PRIM2: variants seen among roughly 807,000 people sequenced by gnomAD.
PRIM2 encodes DNA primase subunit 2, also known as DNA primase large subunit.
A neutral mutation model predicts 67.3 loss-of-function variants in PRIM2; 39 were observed. The ratio of observed to expected loss-of-function variants is 0.58; its 90% CI spans 0.45 to 0.76. The LOEUF (loss-of-function observed/expected upper bound fraction) is 0.76. PRIM2 is among the 30% of genes least tolerant of loss of function. The pLI is 0.00. For missense variants in PRIM2, 398 were observed against 598.7 expected (o/e 0.66, Z 3.50); for synonymous variants, 143 against 198.7 (o/e 0.72, Z 2.36).
intron 7 of PRIM2, among the ~76,000 whole-genome samples, chr6:57,402,086 T>C (rs1213488663): frequency 6.6e-6 from 1 of 152,104 alleles, no homozygotes; most frequent in Non-Finnish European, 1.5e-5. Context: ...GGAGATAATA[T>C]GGGAACATGC....
the PRIM2 span, among the ~76,000 whole-genome samples, chr6:57,227,502 G>A: frequency 1.3e-5 from 2 of 151,956 alleles, no homozygotes; most frequent in African/African-American, 2.4e-5. Flanking sequence ...AAATTAGCTG[G>A]GCGTTGTGGC....
intron 5 of PRIM2, among the ~76,000 whole-genome samples, chr6:57,342,530 C>A (rs62418109): frequency 1.3e-5 from 2 of 152,174 alleles, no homozygotes; most frequent in South Asian, 2.1e-4. Context: ...ACAGCAGCTT[C>A]TAATTTACTT....
intron 5 of PRIM2, among the ~76,000 whole-genome samples, chr6:57,377,845 AT>A (rs1366950225): frequency 2.6e-5 from 4 of 152,118 alleles, no homozygotes; most frequent in African/African-American, 7.2e-5. Context: ...CACAGGTTTC[AT>A]TTAGTGATAT....
At chr6:57,474,331 T>C (rs1773418656) in intron 7 of PRIM2, among the ~76,000 whole-genome samples, 1 of 151,084 alleles carries the variant, frequency 6.6e-6, no homozygotes, top group African/African-American at 2.4e-5. Context: ...CCTGCCACCA[T>C]GCCCGGCTAA....
the PRIM2 span, among the ~76,000 whole-genome samples, chr6:57,307,085 G>A: frequency 6.6e-6 from 1 of 151,824 alleles, no homozygotes; most frequent in Non-Finnish European, 1.5e-5. Flanking sequence ...TGTAGTCCCA[G>A]CTACTCGGGA....
At chr6:57,575,023 T>A (rs1384789824) in intron 10 of PRIM2, among the ~76,000 whole-genome samples, 1 of 152,148 alleles carries the variant, frequency 6.6e-6, no homozygotes, top group Non-Finnish European at 1.5e-5. Context: ...TCAGAGAACC[T>A]CCAGCCAGAC....
intron 11 of PRIM2, 46 bp downstream of exon 11, chr6:57,601,265 A>G (rs1439482459): frequency 2.7e-4 from 410 of 1,532,978 alleles, no homozygotes; most frequent in Non-Finnish European, 3.4e-4. Flanking sequence ...GAAATCCAAG[A>G]GCTCTGTTGG....
intron 7 of PRIM2, among the ~76,000 whole-genome samples, chr6:57,490,368 T>C (rs1365126443): frequency 6.6e-6 from 1 of 152,114 alleles, no homozygotes; most frequent in Non-Finnish European, 1.5e-5. Context: ...GTTTTGGCCA[T>C]TTTTTTCATG....
intron 5 of PRIM2, among the ~76,000 whole-genome samples, chr6:57,377,708 A>G (rs1234829182): frequency 1.3e-5 from 2 of 151,604 alleles, no homozygotes; most frequent in African/African-American, 4.8e-5. Context: ...CTGTGCCTAA[A>G]TTTTTTTTGT....
chr6:57,290,044 A>T, the PRIM2 span, among the ~76,000 whole-genome samples: 3 of 151,792 alleles, frequency 2.0e-5, no homozygotes, highest in Non-Finnish European at 2.9e-5. Flanking sequence ...GGTGTGCTGT[A>T]TTCAGGAGAC....
At chr6:57,548,270 G>A (rs1256585609) in intron 10 of PRIM2, among the ~76,000 whole-genome samples, 1 of 152,180 alleles carries the variant, frequency 6.6e-6, no homozygotes, top group African/African-American at 2.4e-5. Context: ...TAGAGCAGGA[G>A]TGCCAAAAGT....
intron 8 of PRIM2, among the ~76,000 whole-genome samples, chr6:57,529,430 AT>A (rs1774839423): frequency 6.6e-6 from 1 of 152,238 alleles, no homozygotes; most frequent in African/African-American, 2.4e-5. Flanking sequence ...AAGAAATAAC[AT>A]TTTTATTCCT....
At chr6:57,622,239 A>G (rs1396024650) in intron 12 of PRIM2, among the ~76,000 whole-genome samples, 3 of 152,346 alleles carry the variant, frequency 2.0e-5, no homozygotes, top group African/African-American at 7.2e-5. Flanking sequence ...ACAATATTTT[A>G]GATATATTTC....
At chr6:57,412,773 G>A (rs1297726700) in intron 7 of PRIM2, among the ~76,000 whole-genome samples, 1 of 151,836 alleles carries the variant, frequency 6.6e-6, no homozygotes, top group Non-Finnish European at 1.5e-5. Context: ...ATAAATATAT[G>A]GGAAAACAAG....
At chr6:57,308,047 TGTA>T in the PRIM2 span, among the ~76,000 whole-genome samples, 18 of 152,346 alleles carry the variant, frequency 1.2e-4, no homozygotes, top group African/African-American at 3.6e-4. Context: ...TTACTGTAAT[TGTA>T]GTAGTTCATT....
chr6:57,493,863 T>C (rs1773948385), intron 7 of PRIM2: 1 of 152,172 alleles, frequency 6.6e-6, no homozygotes, highest in Admixed American at 6.5e-5. Context: ...GGATGTGTAA[T>C]GAAACATGAA....
At chr6:57,354,221 C>T (rs1768956860) in intron 5 of PRIM2, among the ~76,000 whole-genome samples, 1 of 151,944 alleles carries the variant, frequency 6.6e-6, no homozygotes, top group African/African-American at 2.4e-5. Context: ...TTCTCTTTCT[C>T]CTTCCATGCT....
intron 13 of PRIM2, among the ~76,000 whole-genome samples, chr6:57,636,769 A>G (rs1397832474): frequency 7.9e-5 from 12 of 152,230 alleles, no homozygotes; most frequent in African/African-American, 1.2e-4. Context: ...TCAGGGGCTT[A>G]TAGATAAAAT....
At chr6:57,561,034 C>T (rs1775616622) in intron 10 of PRIM2, among the ~76,000 whole-genome samples, 1 of 152,202 alleles carries the variant, frequency 6.6e-6, no homozygotes, top group Non-Finnish European at 1.5e-5. Context: ...ATGACATCTT[C>T]TTCCAATATA....
Sources: gnomAD v4.1 joint callset for allele counts (sites outside exome capture counted in the v4.1 genomes callset) on GRCh38, gnomAD v4.1.1 for gene constraint, MANE v1.5 for transcripts, NCBI Gene and HGNC (gene_info 2026-07-23, HGNC 2026-07-21) for gene names.